The following CNBD1 variants were observed in gnomAD, a reference collection of about 807,000 sequenced individuals.
CNBD1 encodes the protein cyclic nucleotide-binding domain-containing protein 1.
A neutral mutation model predicts 54.4 loss-of-function variants in CNBD1; 71 were observed. The ratio of observed to expected loss-of-function variants is 1.30; its 90% confidence interval spans 1.08 to 1.59. The LOEUF is 1.59. Among genes scored for constraint, CNBD1 ranks in the 40% most tolerant of loss-of-function variants. The pLI, the probability that CNBD1 is intolerant of heterozygous loss-of-function variation, is 0.00. For synonymous variants in CNBD1, 182 were observed against 170.7 expected (o/e 1.07, Z -0.51); for missense variants, 659 against 518.0 (o/e 1.27, Z -2.64).
chr8:87,055,933 TCC>T, intron 4 of CNBD1, among the ~76,000 whole-genome samples: 1 of 137,076 alleles, frequency 7.3e-6, no homozygotes, highest in Non-Finnish European at 1.6e-5. Flanking sequence ...CTTCCTTCCT[TCC>T]TTCCTTCCTT....
intron 6 of CNBD1, among the ~76,000 whole-genome samples, chr8:87,268,204 A>G (rs1433964132): frequency 2.0e-5 from 3 of 152,182 alleles, no homozygotes; most frequent in South Asian, 4.2e-4. Flanking sequence ...AACATAAAGT[A>G]TTTGGTTTTC....
chr8:87,228,655 A>G (rs1389787995), intron 5 of CNBD1, among the ~76,000 whole-genome samples: 1 of 151,376 alleles, frequency 6.6e-6, no homozygotes, highest in Non-Finnish European at 1.5e-5. Context: ...GCTGTCAGAC[A>G]GGGACATTTA....
intron 8 of CNBD1, among the ~76,000 whole-genome samples, chr8:87,341,040 A>T (rs1489688736): frequency 6.6e-6 from 1 of 152,144 alleles, no homozygotes; most frequent in African/African-American, 2.4e-5. Flanking sequence ...CATACAGGGA[A>T]GGACTTTTAT....
intron 8 of CNBD1, among the ~76,000 whole-genome samples, chr8:87,292,362 G>T (rs961499701): frequency 6.6e-6 from 1 of 152,178 alleles, no homozygotes; most frequent in Non-Finnish European, 1.5e-5. Context: ...TTGAAAGTCT[G>T]TTCTCTTCAG....
chr8:87,402,252 C>G (rs1807577993), intron 2 of CNBD1, among the ~76,000 whole-genome samples: 1 of 151,898 alleles, frequency 6.6e-6, no homozygotes, highest in Admixed American at 6.6e-5. Context: ...CGGGTCCCTC[C>G]CAAAACATGT....
Position 87,409,254 on chromosome 8 carries a change from C to T in CNBD1, c.214-19292C>T, listed in dbSNP as rs1563591040. Among the ~76,000 whole-genome samples, 3 of 152,098 alleles carry T rather than the reference C, an allele frequency of 2.0e-5. No individual in the cohort carries two copies. In the South Asian group the frequency reaches 6.2e-4, roughly 32 times the overall value. ...GTTCTTACTGCTGATACAGAGAAAG[C>T]TTTAGTGGTCTGAATAGAAGATCAA... On this transcript the variant is annotated intron_variant, in intron 2 of 7. Transcript: ENST00000521593.
Position 87,365,394 on chromosome 8 carries a change from T to C in CNBD1, c.1303+11608T>C, listed in dbSNP as rs1810623341. On this transcript the variant is annotated intron_variant, in intron 10 of 10. Coordinates refer to ENST00000518476, the MANE Select transcript of CNBD1 (RefSeq NM_173538.3). The stretch of plus-strand genomic sequence containing the variant: ...TTAAGTTACTTATAGATTCTGGATA[T>C]TAGACCTTTGTCAGATGTGTAGTTA... Among the ~76,000 whole-genome samples, 4 of 152,176 alleles carry C rather than the reference T, an allele frequency of 2.6e-5. 1 individual carries two copies. In the East Asian group the frequency reaches 7.7e-4, roughly 29 times the overall value.
chr8:87,140,939 C>T (rs1812358310), intron 4 of CNBD1, among the ~76,000 whole-genome samples: 1 of 151,990 alleles, frequency 6.6e-6, no homozygotes, highest in African/African-American at 2.4e-5. Context: ...TTTTTTGGGT[C>T]TCCTAAATCT....
rs187557975 is a variant in CNBD1 at position 86,934,382 on chromosome 8, T to C, written c.273-5214T>C. Reference sequence around the variant, plus strand: ...TTGAACTTTTATACCAATTTTATTGTCAGTTATAATATCTGTGGATTCTTT... The same window carrying C: ...TTGAACTTTTATACCAATTTTATTGCCAGTTATAATATCTGTGGATTCTTT... On this transcript the variant is annotated intron_variant, in intron 3 of 10. Transcript: ENST00000518476. Among the ~76,000 whole-genome samples the C allele has an allele frequency of 3.3e-5, 5 of 152,322 alleles. No homozygotes were observed. In the East Asian group the frequency reaches 9.6e-4, roughly 29 times the overall value.
At chr8:87,253,077 G>C (rs1315369984) in intron 6 of CNBD1, among the ~76,000 whole-genome samples, 1 of 152,114 alleles carries the variant, frequency 6.6e-6, no homozygotes, top group African/African-American at 2.4e-5. Flanking sequence ...AAAGAAAGCA[G>C]AGGTCAGACT....
chr8:87,250,215 A>G (rs1244916876), intron 6 of CNBD1, among the ~76,000 whole-genome samples: 2 of 152,238 alleles, frequency 1.3e-5, no homozygotes, highest in Non-Finnish European at 2.9e-5. Context: ...CAACAGATAT[A>G]TGAAAGAATG....
intron 5 of CNBD1, among the ~76,000 whole-genome samples, chr8:87,207,428 G>GA (rs753766882): frequency 1.3e-5 from 2 of 151,486 alleles, no homozygotes; most frequent in East Asian, 1.9e-4. Context: ...ACACATTTAT[G>GA]AAAAAATCTA....
intron 1 of CNBD1, among the ~76,000 whole-genome samples, chr8:86,886,147 T>A (rs1808677543): frequency 6.6e-6 from 1 of 152,132 alleles, no homozygotes. Flanking sequence ...CTGACACTCT[T>A]CTTGAACACC....
At chr8:86,940,011 A>T (rs975804346) in intron 4 of CNBD1, among the ~76,000 whole-genome samples, 1 of 151,934 alleles carries the variant, frequency 6.6e-6, no homozygotes, top group Admixed American at 6.6e-5. Context: ...CAAGCAAAAT[A>T]TATATTATTT....
intron 10 of CNBD1, among the ~76,000 whole-genome samples, chr8:87,360,625 C>G (rs1810506561): frequency 1.3e-5 from 2 of 151,812 alleles, no homozygotes; most frequent in African/African-American, 4.8e-5. Flanking sequence ...CTCATTCCAC[C>G]ATTAGAACAA....
chr8:86,872,846 C>T (rs1247611259), intron 1 of CNBD1, among the ~76,000 whole-genome samples: 1 of 152,096 alleles, frequency 6.6e-6, no homozygotes, highest in Non-Finnish European at 1.5e-5. Flanking sequence ...GTATAATTTG[C>T]AAATATAGTC....
intron 5 of CNBD1, among the ~76,000 whole-genome samples, chr8:87,229,407 C>G (rs975923155): frequency 6.6e-6 from 1 of 152,076 alleles, no homozygotes; most frequent in Non-Finnish European, 1.5e-5. Flanking sequence ...TTATATTTAG[C>G]TTGCATTATT....
At chr8:87,360,520 C>A in intron 10 of CNBD1, among the ~76,000 whole-genome samples, 1 of 151,720 alleles carries the variant, frequency 6.6e-6, no homozygotes, top group East Asian at 1.9e-4. Flanking sequence ...GTCAATATAT[C>A]TTTGTCCAGA....
chr8:87,264,289 G>T (rs1302145338), intron 6 of CNBD1, among the ~76,000 whole-genome samples: 1 of 152,034 alleles, frequency 6.6e-6, no homozygotes, highest in Non-Finnish European at 1.5e-5. Flanking sequence ...GAGAACGATG[G>T]TTTCCAGCTT....
Sources: gnomAD v4.1 joint callset for allele counts (sites outside exome capture counted in the v4.1 genomes callset) on GRCh38, gnomAD v4.1.1 for gene constraint, MANE v1.5 for transcripts, NCBI Gene and HGNC (gene_info 2026-07-23, HGNC 2026-07-21) for gene names.